Variants in PTPN14 observed in about 807,000 individuals in gnomAD.
PTPN14 encodes protein tyrosine phosphatase non-receptor type 14.
PTPN14 carries 53 observed loss-of-function variants against 126.8 expected under a neutral mutation model. The observed-to-expected ratio is 0.42, with a 90% confidence interval of 0.34 to 0.53. The LOEUF is 0.53. Among genes scored for constraint, PTPN14 ranks in the 20% least tolerant of loss-of-function variants. The probability of loss-of-function intolerance (pLI) is 0.08; values close to 1 mark genes in which losing one functional copy is unlikely to be tolerated. For synonymous variants in PTPN14, 630 were observed against 599.3 expected (o/e 1.05, Z -0.75); for missense variants, 1,257 against 1,552.9 (o/e 0.81, Z 3.20).
chr1:214,522,256 T>C (rs1655279424), intron 1 of PTPN14, among the ~76,000 whole-genome samples: 1 of 152,140 alleles, frequency 6.6e-6, no homozygotes, highest in Non-Finnish European at 1.5e-5. Context: ...ATATCATCTT[T>C]TCCCCACAAC....
chr1:214,390,927 A>G, intron 11 of PTPN14, 61 bp downstream of exon 11: 8 of 1,339,488 alleles, frequency 6.0e-6, no homozygotes. Context: ...CCCCACCTCA[A>G]ATTAATAACA....
intron 1 of PTPN14, among the ~76,000 whole-genome samples, chr1:214,520,065 A>AAAAAAAAAATATATATATATAT: frequency 2.8e-5 from 2 of 71,110 alleles, no homozygotes; most frequent in East Asian, 4.8e-4. Context: ...AAAAAAAAAA[A>AAAAAAAAAATATATATATATAT]ATATATATAT....
At chr1:214,481,182 A>G (rs1660976611) in intron 1 of PTPN14, among the ~76,000 whole-genome samples, 1 of 152,204 alleles carries the variant, frequency 6.6e-6, no homozygotes, top group Non-Finnish European at 1.5e-5. Flanking sequence ...TTGAAACAGA[A>G]GCAACTGCAG....
At chr1:214,515,380 T>C (rs1293855111) in intron 1 of PTPN14, among the ~76,000 whole-genome samples, 1 of 152,154 alleles carries the variant, frequency 6.6e-6, no homozygotes, top group Non-Finnish European at 1.5e-5. Flanking sequence ...AGATTTGTAG[T>C]GAGTTTTGAA....
At chr1:214,385,982 T>C (rs142490860) in intron 12 of PTPN14, among the ~76,000 whole-genome samples, 1 of 152,350 alleles carries the variant, frequency 6.6e-6, no homozygotes, top group African/African-American at 2.4e-5. Context: ...GGATTCAAAA[T>C]GGCCAGGAGT....
At chr1:214,395,100 T>A in intron 8 of PTPN14, 114 bp from the exon 9 acceptor site, 1 of 911,224 alleles carries the variant, frequency 1.1e-6, no homozygotes, top group Non-Finnish European at 1.8e-6. Flanking sequence ...ATGATTTAAC[T>A]ATTTTTTAAG....
chr1:214,489,386 C>T (rs1161537042), intron 1 of PTPN14, among the ~76,000 whole-genome samples: 2 of 152,162 alleles, frequency 1.3e-5, no homozygotes, highest in Non-Finnish European at 2.9e-5. Flanking sequence ...CCCATATGCG[C>T]CAGTCACCTG....
intron 1 of PTPN14, among the ~76,000 whole-genome samples, chr1:214,525,935 G>A (rs61682015): frequency 0.018 from 2,700 of 151,646 alleles, 66 homozygotes; most frequent in African/African-American, 0.06. Context: ...TGGCCTAAGG[G>A]ACTCTCAAGG....
chr1:214,455,869 G>A (rs1333447523), intron 2 of PTPN14, among the ~76,000 whole-genome samples: 1 of 151,364 alleles, frequency 6.6e-6, no homozygotes, highest in African/African-American at 2.4e-5. Context: ...AGATTCTAGA[G>A]AATAAGGGCC....
At chr1:214,483,045 T>G in intron 1 of PTPN14, 1 of 1,607,818 alleles carries the variant, frequency 6.2e-7, no homozygotes, top group Non-Finnish European at 8.5e-7. Context: ...CTGTGAACCT[T>G]GTCTACATGG....
chr1:214,536,841 C>A (rs1320919188), intron 1 of PTPN14, among the ~76,000 whole-genome samples: 1 of 152,102 alleles, frequency 6.6e-6, no homozygotes, highest in Non-Finnish European at 1.5e-5. Context: ...GTGGGTTTTG[C>A]CATTACTTTT....
rs182762499 is a variant in PTPN14 at position 214,523,477 on chromosome 1, A to G, written c.-155+27706T>C. ...TATTCAGTACAGTAACATGCTATAC[A>G]GGTCTGTAGCCTAGGAGCAATAGGC... On this transcript the variant is annotated intron_variant, in intron 1 of 18. Coordinates refer to ENST00000366956, the MANE Select transcript of PTPN14 (RefSeq NM_005401.5). 4.1e-3 allele frequency among the ~76,000 whole-genome samples: 617 copies of G among 152,330 alleles called. 5 individuals carry two copies. Among genetic ancestry groups the G allele is most frequent in the Non-Finnish European group, 6.9e-3 (471 of 68,030 alleles).
At chr1:214,421,643 ACTCTTGACACAATACACCAGG>A (rs1481384327) in intron 3 of PTPN14, among the ~76,000 whole-genome samples, 2 of 152,038 alleles carry the variant, frequency 1.3e-5, no homozygotes, top group African/African-American at 4.8e-5. Context: ...AAAAATCCAA[ACTCTTGACACAATACACCAGG>A]CTCTTCACGA....
chr1:214,387,882 G>A (rs1658659829), intron 11 of PTPN14, among the ~76,000 whole-genome samples: 1 of 152,050 alleles, frequency 6.6e-6, no homozygotes, highest in Non-Finnish European at 1.5e-5. Context: ...GCTGAGCCCA[G>A]GGTGAATCTA....
intron 13 of PTPN14, among the ~76,000 whole-genome samples, chr1:214,382,270 A>G (rs184292100): frequency 3.1e-4 from 47 of 152,136 alleles, no homozygotes; most frequent in African/African-American, 9.1e-4. Context: ...TCGTTGTTCT[A>G]TATGTGCCTG....
chr1:214,509,755 T>C (rs1281579287), intron 1 of PTPN14, among the ~76,000 whole-genome samples: 3 of 152,164 alleles, frequency 2.0e-5, no homozygotes, highest in Non-Finnish European at 4.4e-5. Flanking sequence ...CCATCAATGA[T>C]AGACTGGATT....
At chr1:214,533,100 C>G (rs558981621) in intron 1 of PTPN14, 1 of 731,924 alleles carries the variant, frequency 1.4e-6, no homozygotes, top group African/African-American at 1.7e-5. Flanking sequence ...CCTTGGAGAT[C>G]GACCTGGACT....
rs533509888 is a variant in PTPN14, at chr1:214,422,466, C to T, written c.345-7740G>A. Among the ~76,000 whole-genome samples the T allele has an allele frequency of 6.6e-5, 10 of 152,290 alleles. No individual in the cohort carries two copies. In the South Asian group the frequency reaches 1.9e-3, roughly 28 times the overall value. On this transcript the variant is annotated intron_variant, in intron 3 of 18. Coordinates refer to ENST00000366956, the MANE Select transcript of PTPN14 (RefSeq NM_005401.5). ...CGGAGCCTCATCCCTCTTACACTAG[C>T]AATAAATATGTCTTGACTCATCAGC... is the stretch of plus-strand genomic sequence containing the variant.
At chr1:214,514,129 T>C (rs1306561995) in intron 1 of PTPN14, among the ~76,000 whole-genome samples, 1 of 152,090 alleles carries the variant, frequency 6.6e-6, no homozygotes, top group Non-Finnish European at 1.5e-5. Context: ...CCAGGGGGTC[T>C]TTTACCATCT....
Sources: allele counts gnomAD v4.1 joint callset (sites outside exome capture counted in the v4.1 genomes callset), GRCh38; gene constraint gnomAD v4.1.1; transcripts MANE v1.5; gene names NCBI Gene and HGNC (gene_info 2026-07-23, HGNC 2026-07-21).